VXN: variants seen among roughly 807,000 people sequenced by gnomAD.
The protein encoded by VXN is vexin.
Under a neutral mutation model 23.1 loss-of-function variants are expected in VXN, and 7 were observed. The observed-to-expected ratio is 0.30, with a 90% CI of 0.17 to 0.57. The LOEUF (loss-of-function observed/expected upper bound fraction) is 0.57. VXN is among the 20% of genes least tolerant of loss of function. The pLI, the probability that VXN is intolerant of heterozygous loss-of-function variation, is 0.91. For synonymous variants in VXN, 120 were observed against 105.8 expected, an observed-to-expected ratio of 1.13 and a Z score of -0.83; for missense variants, 238 against 272.6, an observed-to-expected ratio of 0.87 and a Z score of 0.89.
chr8:66,511,133 G>A lies in VXN; in HGVS notation c.342+976G>A, dbSNP rs1394003733. Among the ~76,000 whole-genome samples, 3 of 152,238 alleles carry A rather than the reference G, an allele frequency of 2.0e-5. No homozygotes were observed. In the East Asian group the frequency reaches 5.8e-4, roughly 29 times the overall value. ...CCTGCTGTCCTCCCTCCCACAGCTG[G>A]GCAGCTGTCCTTCCTTGAAGGGGAT... On this transcript the variant is annotated intron_variant, in intron 4 of 5. Coordinates refer to ENST00000305454, the MANE Select transcript of VXN (RefSeq NM_152765.4).
rs1192611765 is a variant in VXN at position 66,517,130 on chromosome 8, G to C, written c.*1054G>C. ...ACATTTTTGTAGGTCAAAAACAATTGAGCATCAATTTCATATGGTTCAACC... is the reference window on the plus strand; with the variant it reads ...ACATTTTTGTAGGTCAAAAACAATTCAGCATCAATTTCATATGGTTCAACC... On this transcript the variant is annotated 3_prime_UTR_variant, in exon 6 of 6. Coordinates refer to ENST00000305454, the MANE Select transcript of VXN (RefSeq NM_152765.4). The C allele has an allele frequency of 4.6e-5, 7 of 152,184 alleles. No individual in the cohort carries two copies. The highest frequency in any genetic ancestry group is 1.0e-4 in the Non-Finnish European group (7 of 68,038). The allele number at this position is 152,184 out of a possible 1,614,324, so 9.4% of individuals were successfully genotyped here. A position where few individuals can be genotyped will look rare whatever the true frequency, so the allele number is the denominator to read the frequency against.
At chr8:66,511,826 GGAGGCGGAGGCAGGTGGTCACCT>G (rs925404094) in intron 4 of VXN, among the ~76,000 whole-genome samples, 2 of 152,152 alleles carry the variant, frequency 1.3e-5, no homozygotes, top group African/African-American at 4.8e-5. Context: ...CAGCACTTTG[GGAGGCGGAGGCAGGTGGTCACCT>G]GAGGCCAAGA....
At position 66,505,376 on chromosome 8, in the gene VXN, T is replaced by C. The variant is rs1383288980; in HGVS notation, c.128T>C (p.Val43Ala). The change falls in exon 3 of 6, where the codon GTG becomes GCG. Residue 43 changes from valine (V) to alanine (A), a missense_variant and splice_region_variant. Transcript: ENST00000305454. ...AACCGCGTTTCCCCCGCCCGGCAGG[T>C]GGTGATCGAGTCGGACCTGTACACG... is the stretch of plus-strand genomic sequence containing the variant. ...KSSQHLLTKN[V>A]VIESDLYTHQ... 1 of 1,578,884 alleles carries C rather than the reference T, an allele frequency of 6.3e-7. No homozygotes were observed. Among genetic ancestry groups the C allele is most frequent in the Admixed American group, 1.9e-5 (1 of 53,386 alleles).
At position 66,513,555 on chromosome 8, in the gene VXN, C is replaced by A; in HGVS notation, c.358C>A (p.Arg120=). The change falls in exon 5 of 6, where the codon CGG becomes AGG. Residue 120 remains arginine (R), a synonymous_variant. Coordinates refer to ENST00000305454, the MANE Select transcript of VXN (RefSeq NM_152765.4). ...CTCATGACAGATACCGCCAGTGCCCCGGATCTCAGTGAAAACTTCAGCCTC... is the reference window on the plus strand; with the variant it reads ...CTCATGACAGATACCGCCAGTGCCCAGGATCTCAGTGAAAACTTCAGCCTC... ...YGKSLIPPVP[R]ISVKTSASAS... 3 of 1,614,126 alleles carry A rather than the reference C, an allele frequency of 1.9e-6. No homozygotes were observed. The highest frequency in any genetic ancestry group is 2.5e-6 in the Non-Finnish European group (3 of 1,179,988).
At chr8:66,506,232 A>ATGTGT (rs1491453609) in intron 3 of VXN, among the ~76,000 whole-genome samples, 60 of 140,432 alleles carry the variant, frequency 4.3e-4, no homozygotes, top group African/African-American at 1.5e-3. Context: ...AGAGAGAGAC[A>ATGTGT]GTGTGTGTGT....
intron 4 of VXN, among the ~76,000 whole-genome samples, chr8:66,511,602 C>T (rs947723081): frequency 6.6e-6 from 1 of 152,192 alleles, no homozygotes; most frequent in Non-Finnish European, 1.5e-5. Flanking sequence ...AGAGAAAAAG[C>T]AAGGTCAAGA....
intron 2 of VXN, chr8:66,503,262 T>C (rs1358756863): frequency 6.6e-6 from 1 of 152,272 alleles, no homozygotes; most frequent in Non-Finnish European, 1.5e-5. Context: ...GTAAGACACA[T>C]GGCCTCTCTT....
Position 66,518,309 on chromosome 8 carries a change from C to T in VXN, c.*2233C>T, listed in dbSNP as rs1363147691. 1 of 152,222 alleles carries T rather than the reference C, an allele frequency of 6.6e-6. No homozygotes were observed. The highest frequency in any genetic ancestry group is 1.5e-5 in the Non-Finnish European group (1 of 68,048). The allele number at this position is 152,222 out of a possible 1,614,324, so 9.4% of individuals were successfully genotyped here. On this transcript the variant is annotated 3_prime_UTR_variant, in exon 6 of 6. Coordinates refer to ENST00000305454, the MANE Select transcript of VXN (RefSeq NM_152765.4). The stretch of plus-strand genomic sequence containing the variant: ...GGGATGACAGGCACATGCCACCACA[C>T]CTAGCTCCTTACAACCATTTATTTT...
intron 4 of VXN, among the ~76,000 whole-genome samples, chr8:66,512,911 A>T (rs1807841221): frequency 6.6e-6 from 1 of 152,196 alleles, no homozygotes; most frequent in Non-Finnish European, 1.5e-5. Context: ...TCCTGTGCTG[A>T]GGAGCCTGGA....
At chr8:66,510,017 C>T (rs1807803707) in intron 3 of VXN, 79 bp from the exon 4 acceptor site, 2 of 1,354,152 alleles carry the variant, frequency 1.5e-6, no homozygotes, top group Non-Finnish European at 2.1e-6. Context: ...GATTGGCTAA[C>T]AAGGTAATTG....
intron 3 of VXN, among the ~76,000 whole-genome samples, chr8:66,509,251 T>C (rs1166671657): frequency 6.6e-6 from 1 of 152,214 alleles, no homozygotes. Flanking sequence ...TCCTGGGACA[T>C]CTGCCCCCAG....
At chr8:66,497,031 C>T (rs1437486861) in intron 2 of VXN, among the ~76,000 whole-genome samples, 5 of 152,122 alleles carry the variant, frequency 3.3e-5, no homozygotes, top group African/African-American at 1.2e-4. Flanking sequence ...ACTACAGGCG[C>T]ACGCCAGCAC....
Position 66,493,607 on chromosome 8 carries a change from G to A in VXN, c.-42G>A. The A allele has an allele frequency of 6.4e-7, 1 of 1,571,272 alleles. No homozygotes were observed. On this transcript the variant is annotated 5_prime_UTR_variant, in exon 1 of 6. Transcript: ENST00000305454. ...CCTCGCGACTAGGGGTCCAGAGACA[G>A]AGGCCTCCAGTTCCCAGGCACTTCG...
intron 3 of VXN, among the ~76,000 whole-genome samples, chr8:66,506,232 A>AGTGTGTGTGTGTGT (rs61613088): frequency 0.012 from 1,624 of 140,408 alleles, 35 homozygotes; most frequent in African/African-American, 0.036. Flanking sequence ...AGAGAGAGAC[A>AGTGTGTGTGTGTGT]GTGTGTGTGT....
chr8:66,499,221 GTTTT>G (rs759637693), intron 2 of VXN, among the ~76,000 whole-genome samples: 4 of 109,654 alleles, frequency 3.6e-5, no homozygotes, highest in Non-Finnish European at 5.3e-5. Flanking sequence ...TATTGGGTTG[GTTTT>G]TTTTTTTTTT....
intron 2 of VXN, chr8:66,505,147 T>G: frequency 4.4e-6 from 3 of 681,606 alleles, no homozygotes; most frequent in East Asian, 2.9e-5. Flanking sequence ...AGAACCCTCA[T>G]TTGCTTGCCC....
Position 66,505,416 on chromosome 8 carries a change from G to A in VXN, c.168G>A (p.Glu56=). The change falls in exon 3 of 6, where the codon GAG becomes GAA. Residue 56 remains glutamate (E), a synonymous_variant. Transcript: ENST00000305454. ...ACCTGTACACGCACCAGCCCCTGGAGCTGCTGCCCCACCGCGGAGACCGCA... is the reference window on the plus strand; with the variant it reads ...ACCTGTACACGCACCAGCCCCTGGAACTGCTGCCCCACCGCGGAGACCGCA... ...ESDLYTHQPL[E]LLPHRGDRRD... 2 of 1,581,506 alleles carry A rather than the reference G, an allele frequency of 1.3e-6. No homozygotes were observed. The highest frequency in any genetic ancestry group is 1.7e-6 in the Non-Finnish European group (2 of 1,164,530).
chr8:66,495,411 T>C (rs1807615050), intron 1 of VXN, among the ~76,000 whole-genome samples: 1 of 152,200 alleles, frequency 6.6e-6, no homozygotes, highest in African/African-American at 2.4e-5. Context: ...GGGCCTGAGT[T>C]TCCACTGCTG....
intron 4 of VXN, among the ~76,000 whole-genome samples, chr8:66,511,287 G>C (rs1807821554): frequency 2.0e-5 from 3 of 152,224 alleles, no homozygotes; most frequent in African/African-American, 7.2e-5. Flanking sequence ...TAGACTCTTT[G>C]AGTATCCGCT....
Sources: gnomAD v4.1 joint callset for allele counts (sites outside exome capture counted in the v4.1 genomes callset) on GRCh38, gnomAD v4.1.1 for gene constraint, MANE v1.5 for transcripts, NCBI Gene and HGNC (gene_info 2026-07-23, HGNC 2026-07-21) for gene names.